Variants in PCDHA7 observed in about 807,000 individuals in gnomAD.
The protein encoded by PCDHA7 is protocadherin alpha-7.
In PCDHA7, 37 loss-of-function variants were observed where a neutral mutation model predicts 57.2. The observed-to-expected ratio is 0.65, with a 90% confidence interval of 0.50 to 0.85. The LOEUF is 0.85. Among genes scored for constraint, PCDHA7 ranks in the 40% least tolerant of loss-of-function variants. The pLI is 0.00. For missense variants in PCDHA7, 1,188 were observed against 1,241.8 expected (o/e 0.96, Z 0.65); for synonymous variants, 553 against 558.8 (o/e 0.99, Z 0.15).
At chr5:140,994,864 G>A (rs2097653681) in intron 3 of PCDHA7, among the ~76,000 whole-genome samples, 1 of 152,114 alleles carries the variant, frequency 6.6e-6, no homozygotes, top group Non-Finnish European at 1.5e-5. Context: ...TGATGGATGT[G>A]GTAGAATAAA....
chr5:140,848,776 A>G (rs2150250036), intron 1 of PCDHA7: 1 of 1,593,226 alleles, frequency 6.3e-7, no homozygotes, highest in East Asian at 2.2e-5. Flanking sequence ...GACCGCGAGG[A>G]GCTGTGCGGG....
chr5:140,864,161 T>A (rs1267371347), intron 1 of PCDHA7: 3 of 152,188 alleles, frequency 2.0e-5, no homozygotes, highest in African/African-American at 7.2e-5. Context: ...AGTTAAATCT[T>A]ACCGGAAGGA....
At chr5:140,883,615 C>T (rs1554178913) in intron 1 of PCDHA7, 6 of 1,613,938 alleles carry the variant, frequency 3.7e-6, no homozygotes, top group African/African-American at 1.3e-5. Context: ...CCGACGTGAA[C>T]GACAACGCGC....
rs114635096 is a variant in PCDHA7 at position 140,845,857 on chromosome 5, A to G, written c.2355+9119A>G. Among the ~76,000 whole-genome samples the G allele has an allele frequency of 6.1e-4, 91 of 149,958 alleles. 1 individual carries two copies. The highest frequency in any genetic ancestry group is 2.1e-3 in the African/African-American group (88 of 41,030). Reference sequence around the variant, plus strand: ...ATTCTTAAGAGAAAAGAAGTTAGTGATTGCAGAAAGGCAACCTAAAATGTC... The same window carrying G: ...ATTCTTAAGAGAAAAGAAGTTAGTGGTTGCAGAAAGGCAACCTAAAATGTC... On this transcript the variant is annotated intron_variant, in intron 1 of 3. Coordinates refer to ENST00000525929, the MANE Select transcript of PCDHA7 (RefSeq NM_018910.3).
At chr5:141,004,117 G>A (rs2098153806) in intron 3 of PCDHA7, among the ~76,000 whole-genome samples, 1 of 152,236 alleles carries the variant, frequency 6.6e-6, no homozygotes. Flanking sequence ...TCAAAAGGGA[G>A]TATCTCCATG....
chr5:140,960,438 T>C (rs1403944664), intron 1 of PCDHA7, among the ~76,000 whole-genome samples: 4 of 152,180 alleles, frequency 2.6e-5, no homozygotes, highest in African/African-American at 9.7e-5. Context: ...ATACTCTAGA[T>C]ATATGTATGG....
At chr5:140,985,974 C>T (rs562510809) in intron 3 of PCDHA7, among the ~76,000 whole-genome samples, 3 of 152,198 alleles carry the variant, frequency 2.0e-5, no homozygotes, top group Admixed American at 1.3e-4. Context: ...CTCCTGACCT[C>T]GTGATCCGCC....
At chr5:140,995,543 G>T (rs1243799532) in intron 3 of PCDHA7, among the ~76,000 whole-genome samples, 1 of 152,144 alleles carries the variant, frequency 6.6e-6, no homozygotes, top group African/African-American at 2.4e-5. Flanking sequence ...AATAAGGGGC[G>T]ATCACTGTAC....
At chr5:140,889,231 T>G (rs1456128446) in intron 1 of PCDHA7, among the ~76,000 whole-genome samples, 2 of 151,912 alleles carry the variant, frequency 1.3e-5, no homozygotes, top group Non-Finnish European at 2.9e-5. Flanking sequence ...TTTGAAAACT[T>G]CCAGAAAATT....
chr5:140,861,388 G>T, intron 1 of PCDHA7: 1 of 450,376 alleles, frequency 2.2e-6, no homozygotes, highest in African/African-American at 2.0e-5. Context: ...CAGGACCTGG[G>T]TCTGGAGCTT....
chr5:140,877,609 C>T (rs1554169925), intron 1 of PCDHA7: 4 of 1,613,876 alleles, frequency 2.5e-6, no homozygotes, highest in Middle Eastern at 1.7e-4. Flanking sequence ...CCTGCTGGTG[C>T]TCACGCTGCT....
chr5:140,858,772 A>G lies in PCDHA7; in HGVS notation c.2355+22034A>G. ...TTTCGTTACAAATATTTGTGAGATTAGTACTTCATGTTATTTCATTTCCAA... is the reference window on the plus strand; with the variant it reads ...TTTCGTTACAAATATTTGTGAGATTGGTACTTCATGTTATTTCATTTCCAA... On this transcript the variant is annotated intron_variant, in intron 1 of 3. Transcript: ENST00000525929. 1.4e-5 allele frequency: 6 copies of G among 437,250 alleles called. No homozygotes were observed. In the South Asian group the frequency reaches 1.5e-4, roughly 11 times the overall value. 27.1% of individuals were successfully genotyped at this position (437,250 alleles called of 1,614,324 possible).
At chr5:140,876,773 C>A (rs782103064) in intron 1 of PCDHA7, 2 of 1,614,226 alleles carry the variant, frequency 1.2e-6, no homozygotes, top group South Asian at 2.2e-5. Context: ...GGCTCGCCTT[C>A]GCTGTGGGCC....
At chr5:140,843,830 T>C (rs2150193091) in intron 1 of PCDHA7, 2 of 1,116,788 alleles carry the variant, frequency 1.8e-6, no homozygotes, top group East Asian at 2.4e-5. Flanking sequence ...TTAAACATTG[T>C]TTAGTTTTTA....
intron 1 of PCDHA7, among the ~76,000 whole-genome samples, chr5:140,902,684 A>G (rs1173996816): frequency 6.6e-6 from 1 of 152,100 alleles, no homozygotes; most frequent in Non-Finnish European, 1.5e-5. Flanking sequence ...ACCGTACCTA[A>G]TATGTGTAGT....
intron 1 of PCDHA7, among the ~76,000 whole-genome samples, chr5:140,941,202 C>CCTTTCTTCCTTTCTTTTTCTTT (rs1394736170): frequency 8.1e-6 from 1 of 122,742 alleles, no homozygotes; most frequent in African/African-American, 3.0e-5. Flanking sequence ...TTTCTTTCTT[C>CCTTTCTTCCTTTCTTTTTCTTT]CTTTCTTTCT....
intron 3 of PCDHA7, among the ~76,000 whole-genome samples, chr5:140,994,425 G>A (rs769335292): frequency 5.3e-5 from 8 of 152,118 alleles, no homozygotes; most frequent in African/African-American, 1.7e-4. Context: ...TATTGAGGCC[G>A]GGCGCAGTGG....
rs1428126460 is a variant in PCDHA7 at position 140,848,665 on chromosome 5, C to T, written c.2355+11927C>T. On this transcript the variant is annotated intron_variant, in intron 1 of 3. Coordinates refer to ENST00000525929, the MANE Select transcript of PCDHA7 (RefSeq NM_018910.3). ...GCGCAGGACCTGGGGCTGGAGCTGG[C>T]GGAGCTGGTGCCGCGCCTGTTCCAG... 1.9e-6 allele frequency: 3 copies of T among 1,592,226 alleles called. 1 individual carries two copies. The highest frequency in any genetic ancestry group is 2.6e-6 in the Non-Finnish European group (3 of 1,163,404).
intron 1 of PCDHA7, among the ~76,000 whole-genome samples, chr5:140,920,824 C>T (rs537294471): frequency 3.4e-5 from 5 of 145,004 alleles, no homozygotes; most frequent in Admixed American, 1.4e-4. Context: ...AGCCTGGCGA[C>T]GGAGCAAGAC....
Sources: allele counts gnomAD v4.1 joint callset (sites outside exome capture counted in the v4.1 genomes callset), GRCh38; gene constraint gnomAD v4.1.1; transcripts MANE v1.5; gene names NCBI Gene and HGNC (gene_info 2026-07-23, HGNC 2026-07-21).